Variants in ZC3H12B observed in about 807,000 individuals in gnomAD.
ZC3H12B encodes probable ribonuclease ZC3H12B.
ZC3H12B carries 7 observed loss-of-function variants against 43.9 expected under a neutral mutation model. That is an observed-to-expected ratio of 0.16 (90% CI 0.09 to 0.30). The LOEUF (loss-of-function observed/expected upper bound fraction) is 0.30. ZC3H12B is among the 10% of genes least tolerant of loss of function. The pLI is 1.00. For synonymous variants in ZC3H12B, 222 were observed against 241.7 expected (o/e 0.92, Z 0.76); for missense variants, 475 against 670.2 (o/e 0.71, Z 3.22).
the ZC3H12B span, among the ~76,000 whole-genome samples, chrX:65,172,045 C>T: frequency 8.9e-6 from 1 of 112,360 alleles, no homozygotes; most frequent in South Asian, 3.7e-4. Flanking sequence ...TCCGACAAGC[C>T]CCAGTGAGAT....
the ZC3H12B span, among the ~76,000 whole-genome samples, chrX:65,041,933 G>T: frequency 0.083 from 9,224 of 111,591 alleles, 1,025 homozygotes; most frequent in African/African-American, 0.29. Context: ...ACTTATTAAA[G>T]TTACAAGGTT....
chrX:65,052,332 C>T, the ZC3H12B span, among the ~76,000 whole-genome samples: 5 of 111,079 alleles, frequency 4.5e-5, no homozygotes, highest in Admixed American at 9.6e-5. Context: ...TACAATTCCA[C>T]TCTTTAAGCT....
the ZC3H12B span, among the ~76,000 whole-genome samples, chrX:65,321,732 G>A: frequency 9.2e-6 from 1 of 109,256 alleles, no homozygotes; most frequent in Non-Finnish European, 1.9e-5. Flanking sequence ...GTGAGAACAT[G>A]TCCTTTGCAG....
chrX:65,474,254 T>C (rs1005902906), intron 3 of ZC3H12B, among the ~76,000 whole-genome samples: 10 of 111,768 alleles, frequency 8.9e-5, no homozygotes, highest in African/African-American at 3.2e-4. Flanking sequence ...AAACATAAAA[T>C]ATATTTTGTC....
At chrX:65,375,425 C>A (rs1034559650) in intron 2 of ZC3H12B, among the ~76,000 whole-genome samples, 1 of 112,332 alleles carries the variant, frequency 8.9e-6, no homozygotes, top group Admixed American at 9.4e-5. Flanking sequence ...AGCCAGTACA[C>A]ATTGGGGGAA....
At chrX:65,493,390 G>GA (rs1219463277) in intron 1 of ZC3H12B, among the ~76,000 whole-genome samples, 13 of 108,002 alleles carry the variant, frequency 1.2e-4, no homozygotes, top group Non-Finnish European at 1.9e-4. Flanking sequence ...CTGAAAAAAA[G>GA]AAAAAAAAAA....
At chrX:65,442,497 G>T (rs1227262611) in intron 3 of ZC3H12B, among the ~76,000 whole-genome samples, 1 of 110,823 alleles carries the variant, frequency 9.0e-6, no homozygotes, top group African/African-American at 3.3e-5. Context: ...ATGACCAGTT[G>T]TGCATCTAAA....
chrX:65,333,230 G>A, the ZC3H12B span, among the ~76,000 whole-genome samples: 2 of 111,813 alleles, frequency 1.8e-5, no homozygotes, highest in African/African-American at 6.5e-5. Flanking sequence ...GGCTCTATAA[G>A]TCAAGTATAA....
chrX:65,192,611 A>T, the ZC3H12B span, among the ~76,000 whole-genome samples: 1 of 111,266 alleles, frequency 9.0e-6, no homozygotes, highest in Non-Finnish European at 1.9e-5. Flanking sequence ...TTATCATATG[A>T]TTTTTGTCCT....
At chrX:65,226,338 A>G in the ZC3H12B span, among the ~76,000 whole-genome samples, 1 of 111,321 alleles carries the variant, frequency 9.0e-6, no homozygotes, top group Non-Finnish European at 1.9e-5. Flanking sequence ...TTTTGTCACC[A>G]CCAGGCCTGC....
At chrX:65,461,654 AG>A (rs1178600440) in intron 3 of ZC3H12B, among the ~76,000 whole-genome samples, 1 of 111,440 alleles carries the variant, frequency 9.0e-6, no homozygotes, top group Non-Finnish European at 1.9e-5. Context: ...TTGAACAATG[AG>A]AACACATGGA....
At chrX:65,499,545 G>C (rs1483061893) in intron 3 of ZC3H12B, among the ~76,000 whole-genome samples, 1 of 111,635 alleles carries the variant, frequency 9.0e-6, no homozygotes, top group African/African-American at 3.3e-5. Flanking sequence ...TACAGATGGA[G>C]GAAAGGGGGC....
At chrX:65,163,881 T>C in the ZC3H12B span, among the ~76,000 whole-genome samples, 1 of 112,072 alleles carries the variant, frequency 8.9e-6, no homozygotes, top group African/African-American at 3.2e-5. Context: ...CTGGGAGATG[T>C]AGACCGTCGC....
the ZC3H12B span, among the ~76,000 whole-genome samples, chrX:65,108,889 A>T: frequency 9.0e-6 from 1 of 111,308 alleles, no homozygotes; most frequent in Non-Finnish European, 1.9e-5. Flanking sequence ...GATGATGGGA[A>T]TTTTTCAGCT....
the ZC3H12B span, among the ~76,000 whole-genome samples, chrX:65,040,233 C>T: frequency 1.8e-5 from 2 of 111,495 alleles, no homozygotes; most frequent in South Asian, 3.7e-4. Flanking sequence ...TTTTAAGTTG[C>T]TCCTTGCCCT....
At chrX:65,251,396 G>A in the ZC3H12B span, among the ~76,000 whole-genome samples, 13 of 111,468 alleles carry the variant, frequency 1.2e-4, no homozygotes, top group Non-Finnish European at 2.3e-4. Context: ...TGTTCTTTTG[G>A]CTTAGGATTG....
the ZC3H12B span, among the ~76,000 whole-genome samples, chrX:65,326,406 C>T: frequency 9.0e-6 from 1 of 110,809 alleles, no homozygotes; most frequent in East Asian, 2.8e-4. Context: ...AAGCCAAGCA[C>T]AGAAAGACAA....
At chrX:65,258,440 G>T in the ZC3H12B span, among the ~76,000 whole-genome samples, 1 of 111,744 alleles carries the variant, frequency 8.9e-6, no homozygotes, top group African/African-American at 3.2e-5. Flanking sequence ...AGCCACCTAT[G>T]ACAAACCCAC....
chrX:65,464,909 T>G lies in ZC3H12B; in HGVS notation n.408-23737T>G, dbSNP rs1203415997. On this transcript the variant is annotated intron_variant and non_coding_transcript_variant, in intron 3 of 5. Coordinates refer to the ZC3H12B transcript ENST00000617377. ...GAATCATCTGATTGATTTCCACATA[T>G]TTTTCATGTTTTTGAATTTTGCAAA... is the stretch of plus-strand genomic sequence containing the variant. Among the ~76,000 whole-genome samples, 4 of 111,486 alleles carry G rather than the reference T, an allele frequency of 3.6e-5. No homozygotes were observed. In the Admixed American group the frequency reaches 3.9e-4, roughly 11 times the overall value.
Sources: allele counts gnomAD v4.1 joint callset (sites outside exome capture counted in the v4.1 genomes callset), GRCh38; gene constraint gnomAD v4.1.1; transcripts MANE v1.5; gene names NCBI Gene and HGNC (gene_info 2026-07-23, HGNC 2026-07-21).